SLIT3: variants seen among roughly 807,000 people sequenced by gnomAD.
SLIT3 encodes slit guidance ligand 3.
SLIT3 carries 68 observed loss-of-function variants against 184.0 expected under a neutral mutation model. The ratio of observed to expected loss-of-function variants is 0.37; its 90% confidence interval spans 0.30 to 0.45. The LOEUF (loss-of-function observed/expected upper bound fraction) is 0.45, where lower values mean the gene tolerates loss of function less well. Ranked by LOEUF, SLIT3 falls within the 20% of genes least tolerant of loss-of-function variation. The pLI is 1.00. For missense variants in SLIT3, 1,707 were observed against 2,026.0 expected (o/e 0.84, Z 3.02); for synonymous variants, 831 against 828.6 (o/e 1.00, Z -0.05).
chr5:168,964,521 T>G (rs1273040690), intron 4 of SLIT3, among the ~76,000 whole-genome samples: 1 of 152,254 alleles, frequency 6.6e-6, no homozygotes, highest in Non-Finnish European at 1.5e-5. Context: ...CAAACTCATT[T>G]CATTTTTCAA....
chr5:169,054,540 TA>T (rs980187565), intron 4 of SLIT3, among the ~76,000 whole-genome samples: 7 of 152,132 alleles, frequency 4.6e-5, no homozygotes, highest in Non-Finnish European at 8.8e-5. Flanking sequence ...TCTCCTCCGA[TA>T]CATCCTCTCC....
chr5:169,134,557 G>T (rs1177165522), intron 4 of SLIT3, among the ~76,000 whole-genome samples: 1 of 152,164 alleles, frequency 6.6e-6, no homozygotes, highest in Admixed American at 6.5e-5. Context: ...CCTATAAAAA[G>T]TAGGCCCTGA....
At chr5:168,834,615 A>T (rs1454132498) in intron 6 of SLIT3, among the ~76,000 whole-genome samples, 2 of 132,982 alleles carry the variant, frequency 1.5e-5, no homozygotes, top group African/African-American at 5.6e-5. Flanking sequence ...TGAGCCTGGG[A>T]GGTGGAGGTT....
intron 4 of SLIT3, among the ~76,000 whole-genome samples, chr5:168,888,002 G>C (rs1488387879): frequency 1.3e-5 from 2 of 152,148 alleles, no homozygotes; most frequent in African/African-American, 4.8e-5. Flanking sequence ...AGCCATGTTT[G>C]ATTCTAGATT....
chr5:169,089,048 A>AAAAAAAG, intron 4 of SLIT3, among the ~76,000 whole-genome samples: 1 of 145,890 alleles, frequency 6.9e-6, no homozygotes, highest in East Asian at 2.0e-4. Context: ...AAAAAAAAAA[A>AAAAAAAG]AAAAAAAGAA....
At chr5:168,680,369 C>T (rs1761549324) in intron 32 of SLIT3, among the ~76,000 whole-genome samples, 1 of 152,238 alleles carries the variant, frequency 6.6e-6, no homozygotes, top group East Asian at 1.9e-4. Context: ...CCCTCATCAC[C>T]ATTTGTGATT....
At chr5:169,040,180 A>C (rs530254095) in intron 4 of SLIT3, among the ~76,000 whole-genome samples, 1 of 152,338 alleles carries the variant, frequency 6.6e-6, no homozygotes, top group South Asian at 2.1e-4. Context: ...ATATCAAGGC[A>C]TGTGCAATCA....
chr5:168,909,429 C>T (rs983172736), intron 4 of SLIT3, among the ~76,000 whole-genome samples: 4 of 152,208 alleles, frequency 2.6e-5, no homozygotes, highest in African/African-American at 4.8e-5. Context: ...TAGTGGCAGC[C>T]GCCCTCTGTA....
At chr5:168,728,333 T>C (rs1276245799) in intron 20 of SLIT3, among the ~76,000 whole-genome samples, 1 of 149,720 alleles carries the variant, frequency 6.7e-6, no homozygotes, top group East Asian at 2.0e-4. Flanking sequence ...ACAAAAGCAA[T>C]TTCAAACAAT....
At chr5:168,769,548 C>G (rs1755469345) in intron 14 of SLIT3, among the ~76,000 whole-genome samples, 1 of 152,148 alleles carries the variant, frequency 6.6e-6, no homozygotes, top group South Asian at 2.1e-4. Flanking sequence ...TTCCTAAGGT[C>G]TCTCATCACA....
intron 4 of SLIT3, among the ~76,000 whole-genome samples, chr5:169,060,185 C>T (rs951404460): frequency 6.6e-6 from 1 of 152,278 alleles, no homozygotes; most frequent in East Asian, 1.9e-4. Context: ...AAGTCAGGAG[C>T]TCAAGACCAG....
intron 4 of SLIT3, chr5:169,018,386 T>G (rs1756474598): frequency 1.5e-5 from 2 of 135,540 alleles, no homozygotes; most frequent in African/African-American, 6.3e-5. Flanking sequence ...AGCCTTCTTT[T>G]TTGCAGGGAG....
intron 4 of SLIT3, among the ~76,000 whole-genome samples, chr5:169,032,128 G>A (rs1007620546): frequency 6.6e-6 from 1 of 152,128 alleles, no homozygotes; most frequent in East Asian, 1.9e-4. Context: ...CAAACTCAGC[G>A]GGTTATTAGG....
intron 32 of SLIT3, among the ~76,000 whole-genome samples, chr5:168,677,176 C>T (rs1467565351): frequency 6.6e-6 from 1 of 152,194 alleles, no homozygotes; most frequent in Non-Finnish European, 1.5e-5. Context: ...TCACACTGGG[C>T]CTGCCAGCTG....
intron 4 of SLIT3, among the ~76,000 whole-genome samples, chr5:169,001,451 G>C (rs1755699579): frequency 6.6e-6 from 1 of 152,112 alleles, no homozygotes; most frequent in Non-Finnish European, 1.5e-5. Context: ...ATAATGACAA[G>C]AAGTACAGGC....
At chr5:168,689,178 TAACA>T (rs1442894288) in intron 29 of SLIT3, among the ~76,000 whole-genome samples, 4 of 152,212 alleles carry the variant, frequency 2.6e-5, no homozygotes, top group African/African-American at 9.6e-5. Context: ...CTAGCATTCC[TAACA>T]AACGCCCATG....
At chr5:168,690,113 C>T (rs11750194) in intron 29 of SLIT3, among the ~76,000 whole-genome samples, 22,866 of 151,784 alleles carry the variant, frequency 0.15, 2,289 homozygotes, top group Non-Finnish European at 0.22. Flanking sequence ...ACACCTGCAC[C>T]CTTGACCACG....
chr5:168,707,002 G>A (rs1352632396), intron 26 of SLIT3: 1 of 152,322 alleles, frequency 6.6e-6, no homozygotes, highest in Non-Finnish European at 1.5e-5. Flanking sequence ...GGGAAGGCTG[G>A]AAGCTGGGCG....
chr5:169,266,485 TCTCCTTCC>T (rs1487059837), intron 1 of SLIT3, among the ~76,000 whole-genome samples: 1 of 152,044 alleles, frequency 6.6e-6, no homozygotes, highest in African/African-American at 2.4e-5. Flanking sequence ...AGCATGACAC[TCTCCTTCC>T]CTTTCTTGTC....
Sources: allele counts gnomAD v4.1 joint callset (sites outside exome capture counted in the v4.1 genomes callset), GRCh38; gene constraint gnomAD v4.1.1; transcripts MANE v1.5; gene names NCBI Gene and HGNC (gene_info 2026-07-23, HGNC 2026-07-21).